The following NRXN3 variants were observed in gnomAD, a reference collection of about 807,000 sequenced individuals.
NRXN3 encodes neurexin III.
NRXN3 carries 32 observed loss-of-function variants against 137.6 expected under a neutral mutation model. That is an observed-to-expected ratio of 0.23 (90% CI 0.18 to 0.31). The LOEUF is 0.31. Ranked by LOEUF, NRXN3 falls within the 10% of genes least tolerant of loss-of-function variation. The probability of loss-of-function intolerance (pLI) is 1.00; values close to 1 mark genes in which losing one functional copy is unlikely to be tolerated. For synonymous variants in NRXN3, 798 were observed against 784.5 expected, an observed-to-expected ratio of 1.02 and a Z score of -0.29; for missense variants, 1,574 against 2,062.5, an observed-to-expected ratio of 0.76 and a Z score of 4.59.
intron 15 of NRXN3, among the ~76,000 whole-genome samples, chr14:79,423,203 T>C (rs2095606741): frequency 6.6e-6 from 1 of 152,158 alleles, no homozygotes; most frequent in Non-Finnish European, 1.5e-5. Flanking sequence ...TGCTCTCCCA[T>C]GTGTAGCAAA....
At chr14:79,706,274 TGTAATA>T (rs956914919) in intron 19 of NRXN3, among the ~76,000 whole-genome samples, 1 of 152,204 alleles carries the variant, frequency 6.6e-6, no homozygotes, top group African/African-American at 2.4e-5. Flanking sequence ...CTTTTGGAAA[TGTAATA>T]TCACCCACCT....
chr14:78,488,986 CTT>C, intron 4 of NRXN3, among the ~76,000 whole-genome samples: 1 of 152,096 alleles, frequency 6.6e-6, no homozygotes, highest in Non-Finnish European at 1.5e-5. Flanking sequence ...TTTTCCCTCT[CTT>C]AGGAAACTCC....
chr14:78,182,374 T>C (rs2059888115), intron 1 of NRXN3, among the ~76,000 whole-genome samples: 1 of 151,824 alleles, frequency 6.6e-6, no homozygotes, highest in African/African-American at 2.4e-5. Context: ...GAAGGACAGA[T>C]GGGGGTCAGA....
intron 14 of NRXN3, among the ~76,000 whole-genome samples, chr14:78,983,569 A>G (rs77205023): frequency 8.5e-5 from 13 of 152,136 alleles, no homozygotes; most frequent in Admixed American, 2.0e-4. Flanking sequence ...CTTAAAAAAA[A>G]GTGGGAAGGC....
At chr14:78,876,469 C>A (rs919443946) in intron 10 of NRXN3, among the ~76,000 whole-genome samples, 1 of 152,154 alleles carries the variant, frequency 6.6e-6, no homozygotes, top group African/African-American at 2.4e-5. Flanking sequence ...TAATTAGATT[C>A]ATAGTGTACT....
intron 15 of NRXN3, among the ~76,000 whole-genome samples, chr14:79,083,782 G>T (rs1438774054): frequency 6.6e-6 from 1 of 152,148 alleles, no homozygotes; most frequent in Non-Finnish European, 1.5e-5. Context: ...GTCATCAGGG[G>T]TTTTACATAA....
intron 15 of NRXN3, among the ~76,000 whole-genome samples, chr14:79,209,422 C>T (rs1471388746): frequency 1.3e-5 from 2 of 151,956 alleles, no homozygotes; most frequent in African/African-American, 2.4e-5. Context: ...GGAAACTTCT[C>T]CAAAAGTCAC....
chr14:78,616,103 C>G (rs1256631658), intron 4 of NRXN3, among the ~76,000 whole-genome samples: 1 of 152,214 alleles, frequency 6.6e-6, no homozygotes, highest in Non-Finnish European at 1.5e-5. Context: ...TCACTCAGCT[C>G]CTCCAGTGGA....
chr14:79,523,564 A>G (rs963047163), intron 16 of NRXN3, among the ~76,000 whole-genome samples: 1 of 152,232 alleles, frequency 6.6e-6, no homozygotes, highest in Non-Finnish European at 1.5e-5. Flanking sequence ...TCAGGATCTG[A>G]GATCGACAGC....
At chr14:79,654,196 G>A (rs2098492730) in intron 16 of NRXN3, among the ~76,000 whole-genome samples, 1 of 152,114 alleles carries the variant, frequency 6.6e-6, no homozygotes, top group African/African-American at 2.4e-5. Flanking sequence ...AGGTGAATGA[G>A]CAGGTATGTT....
intron 4 of NRXN3, among the ~76,000 whole-genome samples, chr14:78,454,059 C>T (rs1412039200): frequency 6.6e-6 from 1 of 152,148 alleles, no homozygotes; most frequent in Non-Finnish European, 1.5e-5. Flanking sequence ...GAGCTTATGT[C>T]CTCTCCTTTC....
At chr14:79,750,651 C>A (rs1256168135) in intron 19 of NRXN3, among the ~76,000 whole-genome samples, 1 of 152,116 alleles carries the variant, frequency 6.6e-6, no homozygotes, top group Non-Finnish European at 1.5e-5. Flanking sequence ...AGCCTCCCCA[C>A]CCAATCAGGG....
chr14:79,023,729 AAAACC>A (rs1415281064), intron 15 of NRXN3, among the ~76,000 whole-genome samples: 1 of 152,122 alleles, frequency 6.6e-6, no homozygotes, highest in East Asian at 1.9e-4. Context: ...GGCCCCTTAG[AAAACC>A]ATCAGATCTC....
intron 4 of NRXN3, among the ~76,000 whole-genome samples, chr14:78,420,871 C>T (rs558214803): frequency 2.6e-5 from 4 of 152,218 alleles, no homozygotes; most frequent in East Asian, 1.9e-4. Flanking sequence ...GAAATGGATT[C>T]GGGTGGAGGC....
At chr14:79,666,823 C>G (rs767369062) in intron 17 of NRXN3, among the ~76,000 whole-genome samples, 6 of 151,882 alleles carry the variant, frequency 4.0e-5, no homozygotes, top group Non-Finnish European at 5.9e-5. Context: ...CACCAGTGAC[C>G]CCAAGCTGCT....
At chr14:79,378,043 C>T (rs1334649581) in intron 15 of NRXN3, among the ~76,000 whole-genome samples, 2 of 152,130 alleles carry the variant, frequency 1.3e-5, no homozygotes, top group Non-Finnish European at 2.9e-5. Context: ...CTTGTCATGG[C>T]CTCAGGCTAA....
At chr14:79,709,233 G>C (rs2098793671) in intron 19 of NRXN3, among the ~76,000 whole-genome samples, 1 of 152,126 alleles carries the variant, frequency 6.6e-6, no homozygotes, top group Non-Finnish European at 1.5e-5. Flanking sequence ...AATATTTACG[G>C]TTCCTTGCTG....
intron 19 of NRXN3, among the ~76,000 whole-genome samples, chr14:79,740,715 TA>T: frequency 1.3e-4 from 1 of 7,526 alleles, no homozygotes; most frequent in Non-Finnish European, 2.6e-4. Context: ...TAGTTTTTTA[TA>T]TATATATATA....
At chr14:79,829,180 A>G (rs1223724929) in intron 20 of NRXN3, among the ~76,000 whole-genome samples, 1 of 152,220 alleles carries the variant, frequency 6.6e-6, no homozygotes, top group Non-Finnish European at 1.5e-5. Flanking sequence ...GTGTGCTTAC[A>G]GTTAGAATAA....
Sources: gnomAD v4.1 joint callset for allele counts (sites outside exome capture counted in the v4.1 genomes callset) on GRCh38, gnomAD v4.1.1 for gene constraint, MANE v1.5 for transcripts, NCBI Gene and HGNC (gene_info 2026-07-23, HGNC 2026-07-21) for gene names.